The following DCDC1 variants were observed in gnomAD, a reference collection of about 807,000 sequenced individuals.
DCDC1 encodes the protein doublecortin domain containing 1.
In DCDC1, 200 loss-of-function variants were observed where a neutral mutation model predicts 178.3. That is an observed-to-expected ratio of 1.12 (90% CI 1.00 to 1.26). The LOEUF is 1.26. DCDC1 is among the 50% of genes most tolerant of loss of function. The pLI is 0.00. For missense variants in DCDC1, 1,983 were observed against 1,749.2 expected, an observed-to-expected ratio of 1.13 and a Z score of -2.38; for synonymous variants, 690 against 604.8, an observed-to-expected ratio of 1.14 and a Z score of -2.07.
At chr11:31,139,312 T>C (rs751088856) in intron 9 of DCDC1, among the ~76,000 whole-genome samples, 3 of 151,962 alleles carry the variant, frequency 2.0e-5, no homozygotes, top group Non-Finnish European at 4.4e-5. Flanking sequence ...TGATAAAGAG[T>C]TTTTGAAAAA....
chr11:31,016,061 G>A (rs570078393), intron 20 of DCDC1, among the ~76,000 whole-genome samples: 1 of 152,278 alleles, frequency 6.6e-6, no homozygotes, highest in East Asian at 1.9e-4. Flanking sequence ...TGAAAGAGGG[G>A]GGTTGGGTCC....
chr11:31,369,281 G>A (rs593791), intron 1 of DCDC1, among the ~76,000 whole-genome samples: 2 of 152,128 alleles, frequency 1.3e-5, no homozygotes, highest in Non-Finnish European at 2.9e-5. Flanking sequence ...TAAGTTGGTT[G>A]CTAAGGTCTA....
At chr11:31,285,120 C>T (rs945996799) in intron 7 of DCDC1, among the ~76,000 whole-genome samples, 2 of 151,602 alleles carry the variant, frequency 1.3e-5, no homozygotes, top group Non-Finnish European at 2.9e-5. Context: ...TAAATAATTA[C>T]TTATAATATT....
chr11:31,049,921 G>A (rs1955129468), intron 20 of DCDC1, among the ~76,000 whole-genome samples: 1 of 152,136 alleles, frequency 6.6e-6, no homozygotes, highest in Non-Finnish European at 1.5e-5. Context: ...GGTGGCCAGA[G>A]GAGCAAGGAG....
chr11:31,016,755 A>T (rs528198765), intron 20 of DCDC1, among the ~76,000 whole-genome samples: 3 of 152,120 alleles, frequency 2.0e-5, no homozygotes, highest in African/African-American at 7.2e-5. Context: ...AAAAATAGGG[A>T]TGCCTGTGTC....
At chr11:30,980,521 C>A (rs1055445573) in intron 20 of DCDC1, among the ~76,000 whole-genome samples, 1 of 152,082 alleles carries the variant, frequency 6.6e-6, no homozygotes, top group Non-Finnish European at 1.5e-5. Flanking sequence ...AAATATTGGA[C>A]ATGGGGGATG....
chr11:31,119,647 A>G (rs1960507743), intron 11 of DCDC1, among the ~76,000 whole-genome samples: 1 of 152,208 alleles, frequency 6.6e-6, no homozygotes, highest in Non-Finnish European at 1.5e-5. Flanking sequence ...TAAGCTTTCT[A>G]TTAATACAAA....
chr11:30,874,079 GCAAATGTTT>G (rs1302919885), intron 38 of DCDC1, among the ~76,000 whole-genome samples: 1 of 152,158 alleles, frequency 6.6e-6, no homozygotes, highest in African/African-American at 2.4e-5. Flanking sequence ...CACATACAAA[GCAAATGTTT>G]CATTGTCTTC....
At chr11:31,022,754 G>A (rs3969699) in intron 20 of DCDC1, among the ~76,000 whole-genome samples, 6,992 of 151,288 alleles carry the variant, frequency 0.046, 215 homozygotes, top group South Asian at 0.064. Context: ...GTGTGTGTGT[G>A]TGTGTATAGG....
intron 9 of DCDC1, among the ~76,000 whole-genome samples, chr11:31,188,543 G>A (rs970492624): frequency 2.0e-5 from 3 of 152,002 alleles, no homozygotes; most frequent in Non-Finnish European, 4.4e-5. Flanking sequence ...TGTTCCAAAG[G>A]CCAAATATGA....
At chr11:30,878,750 C>G (rs1033251510) in intron 37 of DCDC1, 39 bp from the exon 38 acceptor site, 7 of 1,525,158 alleles carry the variant, frequency 4.6e-6, no homozygotes, top group Non-Finnish European at 6.1e-6. Flanking sequence ...AGAGACAAGT[C>G]AATGTTATAG....
intron 11 of DCDC1, among the ~76,000 whole-genome samples, chr11:31,124,850 G>A (rs1565315971): frequency 6.6e-6 from 1 of 151,996 alleles, no homozygotes; most frequent in Non-Finnish European, 1.5e-5. Flanking sequence ...AGGCAATAAA[G>A]AGCAGGATAC....
At chr11:30,933,835 A>T (rs1947092440) in intron 21 of DCDC1, among the ~76,000 whole-genome samples, 1 of 152,104 alleles carries the variant, frequency 6.6e-6, no homozygotes, top group African/African-American at 2.4e-5. Context: ...CCAACCTTCT[A>T]CCCAACATGT....
intron 20 of DCDC1, among the ~76,000 whole-genome samples, chr11:30,999,395 AT>A (rs1951448249): frequency 6.6e-6 from 1 of 152,174 alleles, no homozygotes; most frequent in African/African-American, 2.4e-5. Flanking sequence ...TACCTTTACA[AT>A]TCTTCTGTAA....
At chr11:30,993,002 T>G (rs190672601) in intron 20 of DCDC1, among the ~76,000 whole-genome samples, 1 of 152,100 alleles carries the variant, frequency 6.6e-6, no homozygotes, top group Non-Finnish European at 1.5e-5. Flanking sequence ...ATTTTGATTT[T>G]CAATCATAAA....
intron 3 of DCDC1, among the ~76,000 whole-genome samples, chr11:31,311,697 C>A (rs1255321568): frequency 6.6e-6 from 1 of 152,106 alleles, no homozygotes; most frequent in Non-Finnish European, 1.5e-5. Context: ...CCTAAAGATG[C>A]CAATCTTGAG....
intron 9 of DCDC1, among the ~76,000 whole-genome samples, chr11:31,160,953 C>T (rs183321177): frequency 6.6e-6 from 1 of 152,264 alleles, no homozygotes; most frequent in East Asian, 1.9e-4. Flanking sequence ...CAGGCACCAT[C>T]CAATCCTTAT....
chr11:31,049,780 T>A (rs1020200979), intron 20 of DCDC1, among the ~76,000 whole-genome samples: 3 of 152,148 alleles, frequency 2.0e-5, no homozygotes, highest in Admixed American at 2.0e-4. Flanking sequence ...GTTTCCAACT[T>A]TACTTGGAGC....
chr11:31,071,674 C>G (rs1239657011), intron 18 of DCDC1, among the ~76,000 whole-genome samples: 1 of 152,130 alleles, frequency 6.6e-6, no homozygotes, highest in Non-Finnish European at 1.5e-5. Context: ...TTGGGCACTT[C>G]CTCTTCCACT....
Sources: allele counts gnomAD v4.1 joint callset (sites outside exome capture counted in the v4.1 genomes callset), GRCh38; gene constraint gnomAD v4.1.1; transcripts MANE v1.5; gene names NCBI Gene and HGNC (gene_info 2026-07-23, HGNC 2026-07-21).